Variants in ANGPT1 observed in about 807,000 individuals in gnomAD.
The protein encoded by ANGPT1 is angiopoietin 1, also known as angiopoietin-1.
In ANGPT1, 17 loss-of-function variants were observed where a neutral mutation model predicts 62.2. The ratio of observed to expected loss-of-function variants is 0.27; its 90% CI spans 0.19 to 0.41. ANGPT1 has a LOEUF of 0.41. Ranked by LOEUF, ANGPT1 falls within the 10% of genes least tolerant of loss-of-function variation. The pLI is 1.00. For missense variants in ANGPT1, 478 were observed against 594.9 expected, an observed-to-expected ratio of 0.80 and a Z score of 2.04; for synonymous variants, 199 against 198.9, an observed-to-expected ratio of 1.00 and a Z score of 0.00.
At chr8:107,301,997 G>T (rs1814602515) in intron 5 of ANGPT1, among the ~76,000 whole-genome samples, 3 of 151,902 alleles carry the variant, frequency 2.0e-5, no homozygotes. Flanking sequence ...TAACAATCAG[G>T]AAGACTAAGT....
intron 8 of ANGPT1, 130 bp from the exon 9 acceptor site, chr8:107,252,145 A>G: frequency 1.1e-6 from 1 of 919,168 alleles, no homozygotes; most frequent in Non-Finnish European, 1.6e-6. Flanking sequence ...TGCAATTACG[A>G]GGCATCAGTA....
At chr8:107,325,135 C>A (rs118102435) in intron 3 of ANGPT1, among the ~76,000 whole-genome samples, 299 of 152,218 alleles carry the variant, frequency 2.0e-3, no homozygotes, top group Admixed American at 4.2e-3. Flanking sequence ...TGGTAAAACA[C>A]AAACAAAAAC....
chr8:107,280,759 G>A (rs1451571461), intron 7 of ANGPT1, among the ~76,000 whole-genome samples: 3 of 152,116 alleles, frequency 2.0e-5, no homozygotes, highest in Non-Finnish European at 2.9e-5. Context: ...GAGTCTTAGT[G>A]GTAGACTTTT....
chr8:107,281,328 G>GAATTT (rs747096923), intron 7 of ANGPT1, among the ~76,000 whole-genome samples: 1 of 151,994 alleles, frequency 6.6e-6, no homozygotes, highest in East Asian at 1.9e-4. Context: ...AAACAATTCT[G>GAATTT]AATTTAATTT....
chr8:107,370,154 GAGAA>G (rs1286568816), intron 1 of ANGPT1, among the ~76,000 whole-genome samples: 1 of 115,910 alleles, frequency 8.6e-6, no homozygotes. Context: ...GAGAGAGAAA[GAGAA>G]AGAAAGAAAG....
intron 3 of ANGPT1, among the ~76,000 whole-genome samples, chr8:107,323,587 G>C (rs1426637340): frequency 6.6e-6 from 1 of 152,140 alleles, no homozygotes; most frequent in Non-Finnish European, 1.5e-5. Flanking sequence ...AAAAGACTGT[G>C]AGGGAATCGA....
intron 1 of ANGPT1, among the ~76,000 whole-genome samples, chr8:107,370,567 TG>T (rs34770087): frequency 1 from 150,266 of 150,276 alleles, 75,128 homozygotes; most frequent in Middle Eastern, 1. Flanking sequence ...CCGGGCATGG[TG>T]GGCGTGTGCC....
intron 6 of ANGPT1, among the ~76,000 whole-genome samples, chr8:107,290,703 T>C (rs540366436): frequency 6.6e-6 from 1 of 152,210 alleles, no homozygotes; most frequent in East Asian, 1.9e-4. Flanking sequence ...TTTTTGATCA[T>C]GCAAAATTGA....
At chr8:107,431,250 A>G (rs1380912966) in intron 1 of ANGPT1, among the ~76,000 whole-genome samples, 1 of 152,222 alleles carries the variant, frequency 6.6e-6, no homozygotes, top group Non-Finnish European at 1.5e-5. Context: ...AAATGTAAGC[A>G]TAAAAAAAAT....
chr8:107,281,206 GT>G (rs777323576), intron 7 of ANGPT1, among the ~76,000 whole-genome samples: 1 of 151,936 alleles, frequency 6.6e-6, no homozygotes, highest in Non-Finnish European at 1.5e-5. Flanking sequence ...CATGATAAAT[GT>G]TTTTTTAAAA....
chr8:107,382,856 A>C (rs1282709963), intron 1 of ANGPT1, among the ~76,000 whole-genome samples: 1 of 152,158 alleles, frequency 6.6e-6, no homozygotes, highest in Non-Finnish European at 1.5e-5. Flanking sequence ...ACACTAAAAT[A>C]CAACTTATGA....
chr8:107,269,620 A>G (rs1045219919), intron 7 of ANGPT1, among the ~76,000 whole-genome samples: 1 of 152,032 alleles, frequency 6.6e-6, no homozygotes, highest in African/African-American at 2.4e-5. Context: ...CAGTGTAGAC[A>G]TGGCCTGTAT....
intron 1 of ANGPT1, among the ~76,000 whole-genome samples, chr8:107,372,925 C>T (rs1314062247): frequency 6.6e-6 from 1 of 151,854 alleles, no homozygotes; most frequent in Admixed American, 6.6e-5. Flanking sequence ...CCTCAGTCTC[C>T]TCCTCTTTAA....
intron 1 of ANGPT1, among the ~76,000 whole-genome samples, chr8:107,375,075 G>T (rs918776086): frequency 6.6e-5 from 10 of 152,054 alleles, no homozygotes; most frequent in Non-Finnish European, 1.5e-5. Flanking sequence ...CAGGAGATTC[G>T]CTTGAACCCA....
intron 3 of ANGPT1, among the ~76,000 whole-genome samples, chr8:107,327,068 T>A (rs1815306972): frequency 6.6e-6 from 1 of 152,120 alleles, no homozygotes; most frequent in Admixed American, 6.6e-5. Flanking sequence ...TCTGGGAGCT[T>A]ATCCTTCACA....
chr8:107,474,739 G>C (rs533032879), intron 1 of ANGPT1, among the ~76,000 whole-genome samples: 12 of 152,190 alleles, frequency 7.9e-5, no homozygotes, highest in South Asian at 2.1e-4. Flanking sequence ...AGCAAAGTCT[G>C]AGGATACAAA....
At chr8:107,464,319 G>A (rs62514472) in intron 1 of ANGPT1, among the ~76,000 whole-genome samples, 8,007 of 152,076 alleles carry the variant, frequency 0.053, 240 homozygotes, top group South Asian at 0.11. Context: ...ATGCATCATG[G>A]TTTTTCCAAC....
intron 1 of ANGPT1, among the ~76,000 whole-genome samples, chr8:107,370,051 G>A (rs1816351087): frequency 6.6e-6 from 1 of 151,276 alleles, no homozygotes; most frequent in Non-Finnish European, 1.5e-5. Flanking sequence ...TGGGAAGATT[G>A]ATTGAGCCAT....
intron 1 of ANGPT1, among the ~76,000 whole-genome samples, chr8:107,454,245 A>T (rs959502825): frequency 1.3e-5 from 2 of 152,082 alleles, no homozygotes; most frequent in Non-Finnish European, 2.9e-5. Flanking sequence ...GAGTGACCTT[A>T]AAAGCCTAAA....
Sources: allele counts gnomAD v4.1 joint callset (sites outside exome capture counted in the v4.1 genomes callset), GRCh38; gene constraint gnomAD v4.1.1; transcripts MANE v1.5; gene names NCBI Gene and HGNC (gene_info 2026-07-23, HGNC 2026-07-21).